The following ATP8B3 variants were observed in gnomAD, a reference collection of about 807,000 sequenced individuals.
ATP8B3 encodes the protein ATPase phospholipid transporting 8B3, also known as phospholipid-transporting ATPase IK.
In ATP8B3, 141 loss-of-function variants were observed where a neutral mutation model predicts 140.9. The ratio of observed to expected loss-of-function variants is 1.00; its 90% CI spans 0.87 to 1.15. The LOEUF is 1.15. ATP8B3 is among the 50% of genes most tolerant of loss of function. ATP8B3 has a pLI of 0.00. For missense variants in ATP8B3, 1,874 were observed against 1,740.6 expected, an observed-to-expected ratio of 1.08 and a Z score of -1.36; for synonymous variants, 765 against 714.6, an observed-to-expected ratio of 1.07 and a Z score of -1.13.
rs781042501 is a variant in ATP8B3 at position 1,792,040 on chromosome 19, GGCCTCCTGGTGGCGCTGCT to G, written c.2132_2150del (p.Gln711ProfsTer55). The G allele has an allele frequency of 3.9e-6, 6 of 1,556,664 alleles. No individual in the cohort carries two copies. Among genetic ancestry groups the G allele is most frequent in the Non-Finnish European group, 5.2e-6 (6 of 1,150,988 alleles). On this transcript the variant is annotated frameshift_variant, in exon 19 of 29. Transcript: ENST00000310127. LOFTEE classifies it high-confidence loss of function. ...GTGCCCGGTTCTGCAGCAGGAGGCT[GGCCTCCTGGTGGCGCTGCT>G]GCCAGTCCTCGTAAATGTCCTCAGC... is the stretch of plus-strand genomic sequence containing the variant.
At chr19:1,790,921 C>T (rs1361629539) in intron 20 of ATP8B3, 89 bp from the exon 21 acceptor site, 2 of 1,194,352 alleles carry the variant, frequency 1.7e-6, no homozygotes, top group African/African-American at 1.5e-5. Context: ...GAATCCTGGC[C>T]CGACCAATGG....
chr19:1,794,994 C>T lies in ATP8B3; in HGVS notation c.2055+881G>A, dbSNP rs1340374859. ...ACCCTTGGCCGGGCGCGGTGGCCTA[C>T]GCCTGTAATCCCAGCACTTTGAGAG... On this transcript the variant is annotated intron_variant, in intron 18 of 28. Transcript: ENST00000310127. This position sits in a 1 kb window ranked among gnomAD's most constrained non-coding sequence, Gnocchi z 4.8. 5.3e-5 allele frequency among the ~76,000 whole-genome samples: 8 copies of T among 152,344 alleles called. No homozygotes were observed. The highest frequency in any genetic ancestry group is 1.9e-4 in the African/African-American group (8 of 41,576).
At position 1,805,823 on chromosome 19, in the gene ATP8B3, A is replaced by C; in HGVS notation, c.821+65T>G. 1 of 1,591,590 alleles carries C rather than the reference A, an allele frequency of 6.3e-7. No individual in the cohort carries two copies. The highest frequency in any genetic ancestry group is 8.6e-7 in the Non-Finnish European group (1 of 1,162,888). ...CTGGCCGCCTCCTTGGTGACTGGGG[A>C]AGGGGGCTCCTCCGGGCCATGCTCC... On this transcript the variant is annotated intron_variant, in intron 9 of 28. Coordinates refer to ENST00000310127, the MANE Select transcript of ATP8B3 (RefSeq NM_138813.4). This position sits in a 1 kb window ranked among gnomAD's most constrained non-coding sequence, Gnocchi z 5.2.
chr19:1,785,188 C>T lies in ATP8B3; in HGVS notation c.3503G>A (p.Arg1168Lys), dbSNP rs765823919. 6.3e-6 allele frequency: 10 copies of T among 1,597,502 alleles called. No individual in the cohort carries two copies. In the South Asian group the frequency reaches 9.0e-5, roughly 14 times the overall value. Residue 1168 changes from arginine to lysine, a missense_variant, in exon 27 of 29, where the codon AGA becomes AAA. Physicochemically the swap from Arg to Lys is conservative, Grantham distance 26 (BLOSUM62 2). Transcript: ENST00000310127. ...TTTTQSFWLF[R>K]VSPTTFPFLY... ...AAACGGGAAGGTCGTGGGGGATACTCTGAAGAGCCAGAAGCTCTGGGTGGT... is the reference window on the plus strand; with the variant it reads ...AAACGGGAAGGTCGTGGGGGATACTTTGAAGAGCCAGAAGCTCTGGGTGGT...
chr19:1,789,220 C>G, intron 23 of ATP8B3, 100 bp from the exon 24 acceptor site: 1 of 850,040 alleles, frequency 1.2e-6, no homozygotes, highest in South Asian at 1.7e-5. Flanking sequence ...CCCCCCCCAT[C>G]TGCTTCAGGT....
Position 1,799,678 on chromosome 19 carries a change from C to T in ATP8B3, c.1552+269G>A, listed in dbSNP as rs1433306288. On this transcript the variant is annotated intron_variant, in intron 14 of 28. Transcript: ENST00000310127. ...ACTCGGGAGGCTGAGCCAGGAGAAT[C>T]GCTTGAACCTGGGAGGTGGAGATTG... 5 of 560,082 alleles carry T rather than the reference C, an allele frequency of 8.9e-6. No homozygotes were observed. The East Asian group carries it at 9.1e-5, about 10-fold the overall frequency. 34.7% of individuals were successfully genotyped at this position (560,082 alleles called of 1,614,324 possible).
rs935509808 is a variant in ATP8B3 at position 1,789,541 on chromosome 19, G to T, written c.2665C>A (p.Arg889Ser). 1.9e-6 allele frequency: 3 copies of T among 1,596,728 alleles called. No individual in the cohort carries two copies. The East Asian group carries it at 6.7e-5, about 36-fold the overall frequency. ...CGCTCCTGCAGCACCTCGGAGCTAC[G>T]GCGGGCTCTGGAGTCCTGGGCTGGC... Reference protein sequence around the residue: ...APPAQDSRARRSSEVLQERAF... With the variant: ...APPAQDSRARSSSEVLQERAF... The change falls in exon 23 of 29, where the codon CGT (arginine) becomes AGT (serine). Residue 889 changes from arginine (R) to serine (S), a missense_variant. By Grantham distance (110) the Arg-to-Ser change is moderately radical (BLOSUM62 -1). This residue lies in a region of ATP8B3 where 840 missense variants were observed against 760.9 expected (regional missense o/e 1.10). Transcript: ENST00000310127.
At chr19:1,790,022 G>GAAGCCCGCCCCCTCCCCT in intron 21 of ATP8B3, 33 bp from the exon 22 acceptor site, 2 of 1,519,510 alleles carry the variant, frequency 1.3e-6, no homozygotes, top group Non-Finnish European at 1.8e-6. Flanking sequence ...GGGCAGGGGA[G>GAAGCCCGCCCCCTCCCCT]GGGGCGGGCT....
chr19:1,790,868 G>GC, intron 20 of ATP8B3, 36 bp from the exon 21 acceptor site: 5 of 1,292,126 alleles, frequency 3.9e-6, no homozygotes, highest in Non-Finnish European at 5.1e-6. Context: ...TCTGCGACCC[G>GC]CCCCGCACTG....
chr19:1,790,833 C>G lies in ATP8B3; in HGVS notation c.2303-1G>C. 1 of 1,596,322 alleles carries G rather than the reference C, an allele frequency of 6.3e-7. No homozygotes were observed. The highest frequency in any genetic ancestry group is 8.5e-7 in the Non-Finnish European group (1 of 1,173,052). ...GCGAAGCCGATGTTCACAGCCGTTT[C>G]TGCGAAGCAGACCAGCTCAGCGCCT... On this transcript the variant is annotated splice_acceptor_variant, in intron 20 of 28. Transcript: ENST00000310127. LOFTEE classifies it high-confidence loss of function.
chr19:1,793,888 C>CG (rs2068592292), intron 18 of ATP8B3, among the ~76,000 whole-genome samples: 1 of 150,764 alleles, frequency 6.6e-6, no homozygotes, highest in Non-Finnish European at 1.5e-5. Flanking sequence ...GACTACAGGC[C>CG]TGCACCACCA....
rs371485530 is a variant in ATP8B3 at position 1,783,105 on chromosome 19, C to T, written c.3826G>A (p.Val1276Ile). 6.2e-6 allele frequency: 10 copies of T among 1,613,240 alleles called. No individual in the cohort carries two copies. The highest frequency in any genetic ancestry group is 1.7e-5 in the Admixed American group (1 of 59,918). The change falls in exon 29 of 29, where the codon GTC becomes ATC. Residue 1276 changes from valine to isoleucine, a missense_variant. By Grantham distance (29) the Val-to-Ile change is conservative. Transcript: ENST00000310127. Reference sequence around the variant, plus strand: ...GATTCAGATGCTATGTCACTGCTGACCCCTGGTCCCCTCCGCAGAATTGTG... The same window carrying T: ...GATTCAGATGCTATGTCACTGCTGATCCCTGGTCCCCTCCGCAGAATTGTG... ...QGTILRRGPG[V>I]SSDIASESLD...
chr19:1,808,444 G>T, intron 4 of ATP8B3, 109 bp from the exon 5 acceptor site: 1 of 631,444 alleles, frequency 1.6e-6, no homozygotes, highest in Non-Finnish European at 2.7e-6. Flanking sequence ...CATCCTCTGG[G>T]CTATGGGACA....
chr19:1,782,793 GTGACAA>G lies in ATP8B3; in HGVS notation c.*229_*234del, dbSNP rs2068195385. ...TCAGGAGAAGGTGGCCTCTGCTTGG[GTGACAA>G]TGACCTCTCCTGTGCCCTTGGCAAT... On this transcript the variant is annotated 3_prime_UTR_variant, in exon 29 of 29. Coordinates refer to ENST00000310127, the MANE Select transcript of ATP8B3 (RefSeq NM_138813.4). The G allele has an allele frequency of 5.4e-6, 3 of 555,416 alleles. No homozygotes were observed. Among genetic ancestry groups the G allele is most frequent in the Non-Finnish European group, 9.6e-6 (3 of 313,176 alleles). The allele number at this position is 555,416 out of a possible 1,614,324, so 34.4% of individuals were successfully genotyped here. A position where few individuals can be genotyped will look rare whatever the true frequency, so the allele number is the denominator to read the frequency against.
At chr19:1,808,408 G>C (rs906810513) in intron 4 of ATP8B3, 73 bp from the exon 5 acceptor site, 6 of 1,136,546 alleles carry the variant, frequency 5.3e-6, no homozygotes, top group Non-Finnish European at 7.8e-6. Context: ...CCCGAGGCCA[G>C]ACCTGCCTCA....
intron 20 of ATP8B3, among the ~76,000 whole-genome samples, chr19:1,791,405 T>G (rs998168957): frequency 5.9e-5 from 8 of 134,632 alleles, no homozygotes; most frequent in Non-Finnish European, 1.3e-4. Context: ...TTTTTTTTTT[T>G]GAGACAGAGT....
intron 25 of ATP8B3, among the ~76,000 whole-genome samples, chr19:1,785,964 C>T (rs2068293160): frequency 6.6e-6 from 1 of 151,804 alleles, no homozygotes; most frequent in Non-Finnish European, 1.5e-5. Context: ...AACCCCCCAT[C>T]TCCAAAAAAA....
Position 1,791,645 on chromosome 19 carries a change from G to A in ATP8B3, c.2302+105C>T, listed in dbSNP as rs537411879. 1,204 of 843,702 alleles carry A rather than the reference G, an allele frequency of 1.4e-3. 4 individuals are homozygous for A. The highest frequency in any genetic ancestry group is 2.1e-3 in the Non-Finnish European group (1,120 of 526,568). 52.3% of individuals were successfully genotyped at this position (843,702 alleles called of 1,614,324 possible). On this transcript the variant is annotated intron_variant, in intron 20 of 28. Transcript: ENST00000310127. Reference sequence around the variant, plus strand: ...TGACCTCAAGTGATCCGCCCGCCTCGGCCTCCCAAAGTGCTGGGATGACAG... The same window carrying A: ...TGACCTCAAGTGATCCGCCCGCCTCAGCCTCCCAAAGTGCTGGGATGACAG...
At chr19:1,790,867 C>A (rs771330799) in intron 20 of ATP8B3, 35 bp from the exon 21 acceptor site, 5 of 1,557,686 alleles carry the variant, frequency 3.2e-6, no homozygotes, top group Non-Finnish European at 3.5e-6. Context: ...CTCTGCGACC[C>A]GCCCCGCACT....
Sources: allele counts gnomAD v4.1 joint callset (sites outside exome capture counted in the v4.1 genomes callset), GRCh38; gene constraint gnomAD v4.1.1; regional missense constraint gnomAD v4.1.1; non-coding constraint Gnocchi (gnomAD v3.1); transcripts MANE v1.5; gene names NCBI Gene and HGNC (gene_info 2026-07-23, HGNC 2026-07-21).